Variants in UNKL observed in about 807,000 individuals in gnomAD.
The protein encoded by UNKL is unk like zinc finger.
In UNKL, 60 loss-of-function variants were observed where a neutral mutation model predicts 78.0. The ratio of observed to expected loss-of-function variants is 0.77; its 90% CI spans 0.63 to 0.95. The LOEUF is 0.95. Ranked by LOEUF, UNKL falls within the 40% of genes least tolerant of loss-of-function variation. The pLI is 0.00. For missense variants in UNKL, 1,159 were observed against 1,045.7 expected (o/e 1.11, Z -1.49); for synonymous variants, 608 against 474.8 (o/e 1.28, Z -3.65).
rs190737905 is a variant in UNKL, at chr16:1,387,118, C to G, written c.1087-1733G>C. Among the ~76,000 whole-genome samples, 12 of 152,054 alleles carry G rather than the reference C, an allele frequency of 7.9e-5. No individual in the cohort carries two copies. Among genetic ancestry groups the G allele is most frequent in the African/African-American group, 2.9e-4 (12 of 41,496 alleles). On this transcript the variant is annotated intron_variant, in intron 9 of 14. Transcript: ENST00000389221. This position sits in a 1 kb window ranked among gnomAD's most constrained non-coding sequence, Gnocchi z 4.1. ...CGGGGACCCTCCCAGCAATGCAGCA[C>G]CGGGGACCCTCCCAGCCATGCAGCA...
At chr16:1,397,825 T>C (rs993135897) in intron 5 of UNKL, among the ~76,000 whole-genome samples, 1 of 151,870 alleles carries the variant, frequency 6.6e-6, no homozygotes, top group African/African-American at 2.4e-5. Flanking sequence ...GACCTGGGGA[T>C]GAGGAGGTGT....
chr16:1,390,827 C>A, intron 8 of UNKL, 133 bp from the exon 9 acceptor site: 1 of 892,814 alleles, frequency 1.1e-6, no homozygotes, highest in South Asian at 1.6e-5. Flanking sequence ...CTCAGGAGTT[C>A]GAGACCAGCC....
intron 5 of UNKL, chr16:1,398,950 A>G: frequency 3.2e-6 from 5 of 1,541,428 alleles, no homozygotes; most frequent in Non-Finnish European, 4.4e-6. Flanking sequence ...AGCTGTGAAG[A>G]CAAGATTGAG....
intron 4 of UNKL, among the ~76,000 whole-genome samples, chr16:1,400,824 A>G (rs1159570328): frequency 2.0e-5 from 3 of 151,876 alleles, no homozygotes; most frequent in African/African-American, 7.3e-5. Context: ...AGTAGCTGGG[A>G]TTACAGGCGC....
intron 14 of UNKL, among the ~76,000 whole-genome samples, chr16:1,366,599 G>T (rs2035276345): frequency 6.6e-6 from 1 of 152,134 alleles, no homozygotes; most frequent in Non-Finnish European, 1.5e-5. Flanking sequence ...TGTCTTAAGA[G>T]CCCTGGGCAG....
chr16:1,400,023 G>A (rs776562255), intron 4 of UNKL, among the ~76,000 whole-genome samples: 13 of 152,160 alleles, frequency 8.5e-5, no homozygotes, highest in Admixed American at 5.9e-4. Context: ...GGAGGTGCAC[G>A]GCAGGGGAGG....
rs112051481 is a variant in UNKL, at chr16:1,399,135, G to A, written c.734+239C>T. 25 of 1,146,214 alleles carry A rather than the reference G, an allele frequency of 2.2e-5. No individual in the cohort carries two copies. Among genetic ancestry groups the A allele is most frequent in the Admixed American group, 9.0e-5 (3 of 33,264 alleles). The allele number at this position is 1,146,214 out of a possible 1,614,324, so 71.0% of individuals were successfully genotyped here. Reference sequence around the variant, plus strand: ...TCCCCTTGCCTGGCAGAGGGGCCCCGGTAGGGGACTGCATGGGAGACACTG... The same window carrying A: ...TCCCCTTGCCTGGCAGAGGGGCCCCAGTAGGGGACTGCATGGGAGACACTG... On this transcript the variant is annotated intron_variant, in intron 5 of 14. Transcript: ENST00000389221. This position sits in a 1 kb window ranked among gnomAD's most constrained non-coding sequence, Gnocchi z 5.8.
At position 1,414,246 on chromosome 16, in the gene UNKL, C is replaced by T. The variant is rs561125041; in HGVS notation, c.78-191G>A. Among the ~76,000 whole-genome samples, 1,242 of 152,060 alleles carry T rather than the reference C, an allele frequency of 8.2e-3. 9 individuals carry two copies. Among genetic ancestry groups the T allele is most frequent in the Non-Finnish European group, 0.013 (882 of 67,948 alleles). On this transcript the variant is annotated intron_variant, in intron 1 of 14. Coordinates refer to ENST00000389221, the MANE Select transcript of UNKL (RefSeq NM_001372107.1). The stretch of plus-strand genomic sequence containing the variant: ...ACGCGACCCTCACCCGACCTCGTAG[C>T]CCAGGCGCTGACCCTGGTCCCCAAG...
rs1415493252 is a variant in UNKL at position 1,367,798 on chromosome 16, G to T, written c.1646C>A (p.Pro549His). The change falls in exon 13 of 15, where the codon CCC (proline) becomes CAC (histidine). Residue 549 changes from proline (P) to histidine (H), a missense_variant. Pro to His is a moderately conservative substitution (Grantham distance 77). Transcript: ENST00000389221. Reference protein sequence around the residue: ...DFVSGSFSPSPSPILSAGPPS... With the variant: ...DFVSGSFSPSHSPILSAGPPS... ...GGGGCCGGCACTCAGGATGGGGGAG[G>T]GGCTGGGGGAGAAGCTGCCGGAAAC... The T allele has an allele frequency of 1.9e-6, 3 of 1,575,536 alleles. No homozygotes were observed. Among genetic ancestry groups the T allele is most frequent in the Non-Finnish European group, 2.6e-6 (3 of 1,161,334 alleles).
chr16:1,413,847 C>T lies in UNKL; in HGVS notation c.286G>A (p.Glu96Lys). Residue 96 changes from glutamate (E) to lysine (K), a missense_variant and splice_region_variant, in exon 2 of 15, where the codon GAG becomes AAG. Coordinates refer to ENST00000389221, the MANE Select transcript of UNKL (RefSeq NM_001372107.1). The part of the protein sequence containing the change: ...EATGVCPDGD[E>K]CPYLHRTTGD... ...CGGCGCCCCCTCGCGGCCGCTTACT[C>T]GTCGCCGTCGGGGCACACGCCGGTG... 6.6e-7 allele frequency: 1 copy of T among 1,519,000 alleles called. No homozygotes were observed. Among genetic ancestry groups the T allele is most frequent in the Non-Finnish European group, 8.9e-7 (1 of 1,124,758 alleles). The allele number at this position is 1,519,000 out of a possible 1,614,324, so 94.1% of individuals were successfully genotyped here.
chr16:1,381,336 G>C (rs1041820409), intron 10 of UNKL, among the ~76,000 whole-genome samples: 1 of 152,218 alleles, frequency 6.6e-6, no homozygotes, highest in Admixed American at 6.5e-5. Context: ...AAAAAAATAA[G>C]TGACCGGGTG....
In UNKL at chr16:1,382,594, G is replaced by A. The variant is rs184334449; in HGVS notation, c.1264+2614C>T. The stretch of plus-strand genomic sequence containing the variant: ...GCAGGTGCACAACAGAGCCCACATA[G>A]GAACACCAGGGCTGCGAGGGGGAGA... On this transcript the variant is annotated intron_variant, in intron 10 of 14. Coordinates refer to ENST00000389221, the MANE Select transcript of UNKL (RefSeq NM_001372107.1). Among the ~76,000 whole-genome samples, 4 of 152,284 alleles carry A rather than the reference G, an allele frequency of 2.6e-5. No homozygotes were observed. The East Asian group carries it at 5.8e-4, about 22-fold the overall frequency.
chr16:1,376,347 C>G (rs1490370887), intron 10 of UNKL, among the ~76,000 whole-genome samples: 1 of 141,908 alleles, frequency 7.0e-6, no homozygotes, highest in Non-Finnish European at 1.5e-5. Flanking sequence ...CTCCCTCACT[C>G]TAGGGCTGGG....
chr16:1,398,784 A>G, intron 5 of UNKL: 3 of 1,535,904 alleles, frequency 2.0e-6, no homozygotes, highest in Non-Finnish European at 2.6e-6. Context: ...GGGGCTTCAG[A>G]GGCAAGCAGG....
At chr16:1,367,045 G>C in intron 14 of UNKL, 47 bp downstream of exon 14, 2 of 1,475,280 alleles carry the variant, frequency 1.4e-6, no homozygotes, top group Non-Finnish European at 9.0e-7. Flanking sequence ...AGGGACAGCA[G>C]CCCTGCAGGC....
rs919200314 is a variant in UNKL, at chr16:1,406,448, G to C, written c.288-3104C>G. Among the ~76,000 whole-genome samples the C allele has an allele frequency of 2.6e-5, 4 of 152,196 alleles. No homozygotes were observed. The East Asian group carries it at 7.7e-4, about 29-fold the overall frequency. ...GGCTGGTCTTGAACTCCTGACATCA[G>C]GTGATCCGCCTGCCTTGGCATCCCA... On this transcript the variant is annotated intron_variant, in intron 2 of 14. Coordinates refer to ENST00000389221, the MANE Select transcript of UNKL (RefSeq NM_001372107.1).
At chr16:1,412,705 C>G (rs181603294) in intron 2 of UNKL, among the ~76,000 whole-genome samples, 1 of 152,176 alleles carries the variant, frequency 6.6e-6, no homozygotes, top group East Asian at 1.9e-4. Context: ...CAGATATATT[C>G]TACAGCGTGA....
At chr16:1,371,441 CT>C in intron 11 of UNKL, 77 bp downstream of exon 11, 1 of 1,434,236 alleles carries the variant, frequency 7.0e-7, no homozygotes, top group Non-Finnish European at 9.4e-7. Context: ...CCTCCCCGGG[CT>C]CAAGCGATCC....
At chr16:1,396,496 G>A (rs1019617883) in intron 6 of UNKL, among the ~76,000 whole-genome samples, 1 of 149,548 alleles carries the variant, frequency 6.7e-6, no homozygotes, top group African/African-American at 2.5e-5. Flanking sequence ...GGCTGGTTTC[G>A]AACCCCTGAC....
Sources: gnomAD v4.1 joint callset for allele counts (sites outside exome capture counted in the v4.1 genomes callset) on GRCh38, gnomAD v4.1.1 for gene constraint, Gnocchi (gnomAD v3.1) non-coding constraint, MANE v1.5 for transcripts, NCBI Gene and HGNC (gene_info 2026-07-23, HGNC 2026-07-21) for gene names.